Variants in PCSK5 observed in about 807,000 individuals in gnomAD.
PCSK5 encodes prohormone convertase 5.
PCSK5 carries 129 observed loss-of-function variants against 233.2 expected under a neutral mutation model. The observed-to-expected ratio is 0.55, with a 90% confidence interval of 0.48 to 0.64. The LOEUF is 0.64. Ranked by LOEUF, PCSK5 falls within the 30% of genes least tolerant of loss-of-function variation. PCSK5 has a pLI of 0.00. For missense variants in PCSK5, 2,076 were observed against 2,430.1 expected (o/e 0.85, Z 3.06); for synonymous variants, 825 against 879.2 (o/e 0.94, Z 1.09).
At chr9:76,261,417 G>A (rs765243517) in intron 24 of PCSK5, among the ~76,000 whole-genome samples, 1 of 152,100 alleles carries the variant, frequency 6.6e-6, no homozygotes, top group Non-Finnish European at 1.5e-5. Flanking sequence ...AAATGACTCT[G>A]GTAAAGCTGC....
At position 76,358,882 on chromosome 9, in the gene PCSK5, A is replaced by T; in HGVS notation, c.5624A>T (p.Glu1875Val). Residue 1875 changes from glutamate to valine, a missense_variant, in exon 38 of 38, where the codon GAG becomes GTG. Physicochemically the swap from Glu to Val is moderately radical, Grantham distance 121. This residue lies in a region of PCSK5 where 1,510 missense variants were observed against 1,538.1 expected (regional missense o/e 0.98). Coordinates refer to ENST00000674117, the MANE Select transcript of PCSK5 (RefSeq NM_001372043.1). ...YGLLDDDDID[E>V]LEYDDESYSY... The stretch of plus-strand genomic sequence containing the variant: ...CTGCTGGATGACGATGACATAGATG[A>T]GCTGGAATATGATGACGAGAGTTAC... The T allele has an allele frequency of 6.2e-7, 1 of 1,612,894 alleles. No individual in the cohort carries two copies. Among genetic ancestry groups the T allele is most frequent in the African/African-American group, 1.3e-5 (1 of 75,036 alleles).
At chr9:76,302,429 G>A (rs753334873) in intron 28 of PCSK5, among the ~76,000 whole-genome samples, 6 of 152,150 alleles carry the variant, frequency 3.9e-5, no homozygotes, top group Non-Finnish European at 5.9e-5. Context: ...GTTCCGCAGT[G>A]GAGATTTCTG....
At chr9:76,003,177 T>G (rs1321894636) in intron 3 of PCSK5, among the ~76,000 whole-genome samples, 1 of 152,166 alleles carries the variant, frequency 6.6e-6, no homozygotes, top group African/African-American at 2.4e-5. Context: ...TCCTGGAACA[T>G]GGGCAGGCAT....
rs985941732 is a variant in PCSK5 at position 76,096,786 on chromosome 9, A to T, written c.1107+684A>T. On this transcript the variant is annotated intron_variant, in intron 8 of 37. Transcript: ENST00000674117. Reference sequence around the variant, plus strand: ...CCAGCTAATTTTTGTATTTTAGTAGAGACAGGGTTTCACCACGTTGGCCAG... The same window carrying T: ...CCAGCTAATTTTTGTATTTTAGTAGTGACAGGGTTTCACCACGTTGGCCAG... Among the ~76,000 whole-genome samples the T allele has an allele frequency of 5.3e-5, 8 of 151,976 alleles. 1 individual carries two copies. Among genetic ancestry groups the T allele is most frequent in the African/African-American group, 1.2e-4 (5 of 41,390 alleles).
intron 5 of PCSK5, among the ~76,000 whole-genome samples, chr9:76,038,222 G>A (rs1171281541): frequency 2.0e-5 from 3 of 152,100 alleles, no homozygotes; most frequent in African/African-American, 4.8e-5. Context: ...CTTCCGCCCC[G>A]ACAAGTATCA....
chr9:76,191,952 A>AATC (rs1207772046), intron 20 of PCSK5, among the ~76,000 whole-genome samples: 1 of 38,002 alleles, frequency 2.6e-5, no homozygotes, highest in Non-Finnish European at 4.8e-5. Flanking sequence ...GGTAGCACGT[A>AATC]CCTGTAATCC....
intron 2 of PCSK5, among the ~76,000 whole-genome samples, chr9:75,964,718 C>T (rs982769338): frequency 6.6e-6 from 1 of 152,160 alleles, no homozygotes; most frequent in African/African-American, 2.4e-5. Context: ...TGATGAATGC[C>T]TTTGTTAATT....
chr9:76,174,573 G>A (rs776787634), intron 13 of PCSK5, among the ~76,000 whole-genome samples: 3 of 152,000 alleles, frequency 2.0e-5, no homozygotes, highest in African/African-American at 7.3e-5. Flanking sequence ...GCCTCCCAAG[G>A]TGCTGGGATT....
In PCSK5 at chr9:76,169,686, T is replaced by A. The variant is rs1474636217; in HGVS notation, c.1620-18T>A. The A allele has an allele frequency of 1.2e-6, 2 of 1,611,108 alleles. No homozygotes were observed. Among genetic ancestry groups the A allele is most frequent in the Non-Finnish European group, 1.7e-6 (2 of 1,177,946 alleles). ...GGATTTGAAATATCGCACATAACAA[T>A]GTTTTGTTCACTTTCAGGCTATTTG... On this transcript the variant is annotated intron_variant, in intron 12 of 37. Transcript: ENST00000674117.
intron 5 of PCSK5, among the ~76,000 whole-genome samples, chr9:76,048,907 A>G (rs2131552048): frequency 6.6e-6 from 1 of 152,326 alleles, no homozygotes; most frequent in South Asian, 2.1e-4. Flanking sequence ...TCAATATAAA[A>G]TCATAGCGAG....
intron 24 of PCSK5, among the ~76,000 whole-genome samples, chr9:76,248,593 G>A (rs957360716): frequency 6.6e-6 from 1 of 152,144 alleles, no homozygotes; most frequent in African/African-American, 2.4e-5. Context: ...GTGGAAAGTT[G>A]CTATGGAACA....
intron 33 of PCSK5, among the ~76,000 whole-genome samples, chr9:76,329,909 T>C (rs1167341852): frequency 6.6e-6 from 1 of 152,138 alleles, no homozygotes; most frequent in Non-Finnish European, 1.5e-5. Flanking sequence ...CCGTGATCAG[T>C]TGCAGAGTGT....
chr9:76,126,906 C>T (rs1822523520), intron 9 of PCSK5, among the ~76,000 whole-genome samples: 1 of 152,090 alleles, frequency 6.6e-6, no homozygotes, highest in Admixed American at 6.5e-5. Context: ...ATGCACATAA[C>T]AAAATTACAC....
At chr9:75,922,256 A>T (rs1823289659) in intron 1 of PCSK5, among the ~76,000 whole-genome samples, 1 of 152,212 alleles carries the variant, frequency 6.6e-6, no homozygotes, top group Admixed American at 6.5e-5. Context: ...AACCAAGTTA[A>T]AAAGAGTTCC....
At chr9:76,088,368 C>T (rs1200343101) in intron 7 of PCSK5, among the ~76,000 whole-genome samples, 1 of 152,154 alleles carries the variant, frequency 6.6e-6, no homozygotes, top group Non-Finnish European at 1.5e-5. Context: ...GAACTGTTTC[C>T]TTTACTCAAA....
intron 3 of PCSK5, among the ~76,000 whole-genome samples, chr9:76,022,988 G>T (rs1157682837): frequency 6.6e-6 from 1 of 152,202 alleles, no homozygotes; most frequent in Non-Finnish European, 1.5e-5. Flanking sequence ...TCTGGCTGCT[G>T]TACAGAGAAG....
Position 76,023,725 on chromosome 9 carries a change from C to T in PCSK5, c.412-13C>T, listed in dbSNP as rs373764945. 6.3e-7 allele frequency: 1 copy of T among 1,593,232 alleles called. No individual in the cohort carries two copies. The highest frequency in any genetic ancestry group is 1.8e-5 in the Admixed American group (1 of 55,460). On this transcript the variant is annotated splice_polypyrimidine_tract_variant and intron_variant, in intron 3 of 37. Transcript: ENST00000674117. ...CTATTTAGTAATCTTGCAGCATGCT[C>T]TTCTTCTTTCAGCACTGCAGTGACA...
At chr9:75,892,425 T>C (rs1008121076) in intron 1 of PCSK5, among the ~76,000 whole-genome samples, 2 of 152,078 alleles carry the variant, frequency 1.3e-5, no homozygotes, top group African/African-American at 2.4e-5. Flanking sequence ...GCAAGCATCT[T>C]TGGGGTTGGC....
chr9:76,087,911 G>A (rs1831129847), intron 7 of PCSK5, among the ~76,000 whole-genome samples: 1 of 152,160 alleles, frequency 6.6e-6, no homozygotes, highest in Admixed American at 6.5e-5. Context: ...ACAGAAATGA[G>A]CAGAAATAGG....
Sources: allele counts gnomAD v4.1 joint callset (sites outside exome capture counted in the v4.1 genomes callset), GRCh38; gene constraint gnomAD v4.1.1; regional missense constraint gnomAD v4.1.1; transcripts MANE v1.5; gene names NCBI Gene and HGNC (gene_info 2026-07-23, HGNC 2026-07-21).